The following RANBP9 variants were observed in gnomAD, a reference collection of about 807,000 sequenced individuals.
RANBP9 encodes RAN binding protein 9.
A neutral mutation model predicts 84.3 loss-of-function variants in RANBP9; 15 were observed. That is an observed-to-expected ratio of 0.18 (90% confidence interval 0.12 to 0.27). The LOEUF is 0.27. RANBP9 is among the 10% of genes least tolerant of loss of function. RANBP9 has a pLI of 1.00. For synonymous variants in RANBP9, 392 were observed against 349.6 expected (o/e 1.12, Z -1.35); for missense variants, 809 against 912.8 (o/e 0.89, Z 1.46).
intron 2 of RANBP9, among the ~76,000 whole-genome samples, chr6:13,679,724 C>G (rs1425632722): frequency 6.6e-6 from 1 of 152,030 alleles, no homozygotes; most frequent in Non-Finnish European, 1.5e-5. Context: ...TCAGAAGAAA[C>G]TGATTTACAT....
chr6:13,671,784 A>G (rs1765784804), intron 2 of RANBP9, among the ~76,000 whole-genome samples: 1 of 152,142 alleles, frequency 6.6e-6, no homozygotes, highest in Non-Finnish European at 1.5e-5. Context: ...ATACATCTCA[A>G]TACAACTCTC....
rs781687257 is a variant in RANBP9 at position 13,711,528 on chromosome 6, G to A, written c.-23C>T. On this transcript the variant is annotated 5_prime_UTR_variant, in exon 1 of 14. Coordinates refer to ENST00000011619, the MANE Select transcript of RANBP9 (RefSeq NM_005493.3). ...CATCCCGGCCGCGACTCAGCCTGCG[G>A]CCACCTCCACCTCTTCTCTCCTTCC... The A allele has an allele frequency of 3.2e-6, 4 of 1,245,272 alleles. No homozygotes were observed. The South Asian group carries it at 9.9e-5, about 31-fold the overall frequency. 77.1% of individuals were successfully genotyped at this position (1,245,272 alleles called of 1,614,324 possible).
chr6:13,674,827 C>A (rs542146540), intron 2 of RANBP9, among the ~76,000 whole-genome samples: 4 of 152,092 alleles, frequency 2.6e-5, no homozygotes, highest in African/African-American at 7.2e-5. Context: ...CCCATGTTAC[C>A]CTTACTTTAA....
intron 10 of RANBP9, among the ~76,000 whole-genome samples, chr6:13,636,116 T>C (rs549561388): frequency 2.8e-4 from 43 of 152,316 alleles, no homozygotes; most frequent in Non-Finnish European, 5.0e-4. Flanking sequence ...ACAGAAGTTA[T>C]ACTGGAGGTG....
At chr6:13,629,342 C>G (rs1764711611) in intron 12 of RANBP9, among the ~76,000 whole-genome samples, 2 of 152,024 alleles carry the variant, frequency 1.3e-5, no homozygotes, top group Admixed American at 6.5e-5. Flanking sequence ...ATTCTTATGA[C>G]AAAACAGAAT....
chr6:13,697,196 T>A (rs1757854062), intron 1 of RANBP9, among the ~76,000 whole-genome samples: 1 of 152,244 alleles, frequency 6.6e-6, no homozygotes, highest in Non-Finnish European at 1.5e-5. Flanking sequence ...GAGTACACTA[T>A]ATTTTTAAGA....
chr6:13,622,333 A>G lies in RANBP9; in HGVS notation c.*29T>C. Reference sequence around the variant, plus strand: ...ACTTCCATGTTGACTATATGCCACAATATAAGTGTGAGCTCTTGAAATGCA... The same window carrying G: ...ACTTCCATGTTGACTATATGCCACAGTATAAGTGTGAGCTCTTGAAATGCA... On this transcript the variant is annotated 3_prime_UTR_variant, in exon 14 of 14. Coordinates refer to ENST00000011619, the MANE Select transcript of RANBP9 (RefSeq NM_005493.3). 1 of 1,513,274 alleles carries G rather than the reference A, an allele frequency of 6.6e-7. No homozygotes were observed. Among genetic ancestry groups the G allele is most frequent in the Non-Finnish European group, 8.8e-7 (1 of 1,130,054 alleles). 93.7% of individuals were successfully genotyped at this position (1,513,274 alleles called of 1,614,324 possible).
At chr6:13,702,716 A>C (rs1758004771) in intron 1 of RANBP9, among the ~76,000 whole-genome samples, 1 of 152,116 alleles carries the variant, frequency 6.6e-6, no homozygotes, top group South Asian at 2.1e-4. Context: ...AGCCGTTAAA[A>C]ATTAGAAGAA....
At chr6:13,710,522 C>T (rs1481289004) in intron 1 of RANBP9, among the ~76,000 whole-genome samples, 1 of 152,114 alleles carries the variant, frequency 6.6e-6, no homozygotes, top group Non-Finnish European at 1.5e-5. Context: ...TCTCTTCCCC[C>T]CTTGTAAGAG....
chr6:13,675,305 A>G (rs539506707), intron 2 of RANBP9, among the ~76,000 whole-genome samples: 3 of 152,242 alleles, frequency 2.0e-5, no homozygotes, highest in Non-Finnish European at 4.4e-5. Context: ...CATACAAACT[A>G]TGCTCTCAGA....
chr6:13,624,308 C>CT (rs1764538794), intron 13 of RANBP9, among the ~76,000 whole-genome samples: 2 of 152,112 alleles, frequency 1.3e-5, no homozygotes, highest in African/African-American at 4.8e-5. Context: ...TGTAAGAGTC[C>CT]TGGCCCTCAT....
At chr6:13,648,086 C>T (rs1765212223) in intron 5 of RANBP9, among the ~76,000 whole-genome samples, 1 of 151,326 alleles carries the variant, frequency 6.6e-6, no homozygotes, top group Admixed American at 6.6e-5. Context: ...TGGATCTGCC[C>T]ATTCTGGACA....
chr6:13,639,963 A>G (rs1048116459), intron 8 of RANBP9, among the ~76,000 whole-genome samples: 2 of 152,008 alleles, frequency 1.3e-5, no homozygotes, highest in Non-Finnish European at 2.9e-5. Context: ...AATAGACACT[A>G]TAATAATATT....
intron 4 of RANBP9, among the ~76,000 whole-genome samples, chr6:13,654,762 TAAAC>T (rs1765363732): frequency 6.6e-6 from 1 of 152,206 alleles, no homozygotes; most frequent in African/African-American, 2.4e-5. Flanking sequence ...TATTTTAAAA[TAAAC>T]AGGAGGCTAA....
chr6:13,634,641 A>G, intron 10 of RANBP9, 89 bp from the exon 11 acceptor site: 1 of 1,172,918 alleles, frequency 8.5e-7, no homozygotes, highest in Non-Finnish European at 1.1e-6. Flanking sequence ...ATAGCCTACG[A>G]ATAAACTAAT....
chr6:13,703,870 G>A (rs1758034652), intron 1 of RANBP9, among the ~76,000 whole-genome samples: 1 of 152,118 alleles, frequency 6.6e-6, no homozygotes, highest in African/African-American at 2.4e-5. Context: ...TTTCCATGAA[G>A]TCAGATCACA....
intron 2 of RANBP9, among the ~76,000 whole-genome samples, chr6:13,691,248 ATATT>A (rs1347532495): frequency 2.0e-5 from 3 of 152,104 alleles, no homozygotes; most frequent in Non-Finnish European, 4.4e-5. Flanking sequence ...TAAATTAATA[ATATT>A]TAAAGACTAT....
At chr6:13,688,982 C>CAAAAAAAAAAAAAAAA (rs1164073062) in intron 2 of RANBP9, among the ~76,000 whole-genome samples, 3 of 29,958 alleles carry the variant, frequency 1.0e-4, no homozygotes, top group African/African-American at 3.1e-4. Flanking sequence ...CCCATCTCCA[C>CAAAAAAAAAAAAAAAA]AAAAAAAAAA....
intron 2 of RANBP9, among the ~76,000 whole-genome samples, chr6:13,667,485 A>G (rs948734758): frequency 6.6e-6 from 1 of 152,200 alleles, no homozygotes; most frequent in Non-Finnish European, 1.5e-5. Flanking sequence ...ATTTACAGTG[A>G]TGTTCCACAT....
Sources: allele counts gnomAD v4.1 joint callset (sites outside exome capture counted in the v4.1 genomes callset), GRCh38; gene constraint gnomAD v4.1.1; transcripts MANE v1.5; gene names NCBI Gene and HGNC (gene_info 2026-07-23, HGNC 2026-07-21).